Variants in SOX7 observed in about 807,000 individuals in gnomAD.
SOX7 encodes the protein transcription factor SOX-7.
Under a neutral mutation model 24.9 loss-of-function variants are expected in SOX7, and 19 were observed. The observed-to-expected ratio is 0.76, with a 90% CI of 0.53 to 1.12. SOX7 has a LOEUF of 1.12. SOX7 is among the 50% of genes most tolerant of loss of function. The pLI is 0.00. For synonymous variants in SOX7, 327 were observed against 244.5 expected, an observed-to-expected ratio of 1.34 and a Z score of -3.15; for missense variants, 702 against 535.0, an observed-to-expected ratio of 1.31 and a Z score of -3.08.
rs886868334 is a variant in SOX7, at chr8:10,725,691, CAAG to C, written c.*44_*46del. The C allele has an allele frequency of 5.2e-5, 83 of 1,601,780 alleles. No homozygotes were observed. Among genetic ancestry groups the C allele is most frequent in the Non-Finnish European group, 7.0e-5 (82 of 1,170,862 alleles). The stretch of plus-strand genomic sequence containing the variant: ...GACGGCTCCTCTGCCACTCAAGGCA[CAAG>C]AAGGAGAGGGCGCGAGGGCTGACCG... On this transcript the variant is annotated 3_prime_UTR_variant, in exon 2 of 2. Transcript: ENST00000304501.
At position 10,725,715 on chromosome 8, in the gene SOX7, G is replaced by T; in HGVS notation, c.*23C>A. ...ACAAGAAGGAGAGGGCGCGAGGGCTGACCGGACGGGGCGCCTCCAGCTCTA... is the reference window on the plus strand; with the variant it reads ...ACAAGAAGGAGAGGGCGCGAGGGCTTACCGGACGGGGCGCCTCCAGCTCTA... On this transcript the variant is annotated 3_prime_UTR_variant, in exon 2 of 2. Transcript: ENST00000304501. 2 of 1,613,576 alleles carry T rather than the reference G, an allele frequency of 1.2e-6. No homozygotes were observed. Among genetic ancestry groups the T allele is most frequent in the South Asian group, 2.2e-5 (2 of 91,018 alleles).
Position 10,726,050 on chromosome 8 carries a change from G to C in SOX7, c.855C>G (p.Ser285=). The C allele has an allele frequency of 6.4e-7, 1 of 1,568,502 alleles. No individual in the cohort carries two copies. Among genetic ancestry groups the C allele is most frequent in the Non-Finnish European group, 8.6e-7 (1 of 1,156,420 alleles). ...AGTGGAGTGGGTGGTAGGTGGCCGG[G>C]GAGTAATAGGCAGGAGATGGGGGAC... ...PGCPPSPAYY[S]PATYHPLHSN... Residue 285 remains serine, a synonymous_variant, in exon 2 of 2, where the codon TCC becomes TCG. Coordinates refer to ENST00000304501, the MANE Select transcript of SOX7 (RefSeq NM_031439.4).
intron 1 of SOX7, among the ~76,000 whole-genome samples, chr8:10,727,994 T>C (rs1432752268): frequency 6.6e-6 from 1 of 152,208 alleles, no homozygotes; most frequent in Admixed American, 6.5e-5. Flanking sequence ...AGAAAATTTA[T>C]AGAAATTCCA....
intron 1 of SOX7, among the ~76,000 whole-genome samples, chr8:10,728,613 T>C (rs4841434): frequency 0.67 from 101,295 of 152,170 alleles, 34,699 homozygotes; most frequent in African/African-American, 0.83. Context: ...CAGGCCCCGA[T>C]GGGGACCAAC....
At position 10,726,409 on chromosome 8, in the gene SOX7, A is replaced by T. The variant is rs1460537602; in HGVS notation, c.496T>A (p.Ser166Thr). 6.2e-7 allele frequency: 1 copy of T among 1,611,812 alleles called. No individual in the cohort carries two copies. The highest frequency in any genetic ancestry group is 1.3e-5 in the African/African-American group (1 of 74,908). Residue 166 changes from serine (S) to threonine (T), a missense_variant, in exon 2 of 2, where the codon TCC becomes ACC. Physicochemically the swap from Ser to Thr is moderately conservative, Grantham distance 58. Transcript: ENST00000304501. ...AGGCTGGGCAGGGCAGTGCCGGGGG[A>T]GTACTCACCCCTGTCCTCCTTCTCC... ...LGEKEDRGEY[S>T]PGTALPSLRG... is the part of the protein sequence containing the mutation.
At position 10,725,587 on chromosome 8, in the gene SOX7, T is replaced by C. The variant is rs563073092; in HGVS notation, c.*151A>G. The C allele has an allele frequency of 5.4e-6, 4 of 747,178 alleles. No individual in the cohort carries two copies. In the South Asian group the frequency reaches 7.1e-5, roughly 13 times the overall value. The allele number at this position is 747,178 out of a possible 1,614,324, so 46.3% of individuals were successfully genotyped here. On this transcript the variant is annotated 3_prime_UTR_variant, in exon 2 of 2. Coordinates refer to ENST00000304501, the MANE Select transcript of SOX7 (RefSeq NM_031439.4). ...AGAGGCGGCACTCGGATAAGGAGAGTCCAGCTTAGGCCAAAGGCTCTGGGG... is the reference window on the plus strand; with the variant it reads ...AGAGGCGGCACTCGGATAAGGAGAGCCCAGCTTAGGCCAAAGGCTCTGGGG...
chr8:10,728,994 G>C (rs1013749074), intron 1 of SOX7, among the ~76,000 whole-genome samples: 1 of 152,182 alleles, frequency 6.6e-6, no homozygotes, highest in African/African-American at 2.4e-5. Context: ...TTTGTTGAGG[G>C]AAAAGGCCCC....
rs1586080666 is a variant in SOX7, at chr8:10,726,020, G to A, written c.885C>T (p.Asn295=). Residue 295 remains asparagine, a synonymous_variant, in exon 2 of 2, where the codon AAC becomes AAT. Coordinates refer to ENST00000304501, the MANE Select transcript of SOX7 (RefSeq NM_031439.4). Reference sequence around the variant, plus strand: ...AAAGCTGGCCCAGGTGGGCTTGGAGGTTGGAGTGGAGTGGGTGGTAGGTGG... The same window carrying A: ...AAAGCTGGCCCAGGTGGGCTTGGAGATTGGAGTGGAGTGGGTGGTAGGTGG... The part of the protein sequence containing the change: ...SPATYHPLHS[N]LQAHLGQLSP... 6.3e-7 allele frequency: 1 copy of A among 1,584,648 alleles called. No homozygotes were observed. Among genetic ancestry groups the A allele is most frequent in the South Asian group, 1.2e-5 (1 of 84,678 alleles).
intron 1 of SOX7, among the ~76,000 whole-genome samples, chr8:10,728,414 T>C (rs1800196433): frequency 6.6e-6 from 1 of 152,180 alleles, no homozygotes; most frequent in Non-Finnish European, 1.5e-5. Flanking sequence ...AGGAAAGAGC[T>C]GAGAAGGAAA....
At position 10,730,185 on chromosome 8, in the gene SOX7, C is replaced by T. The variant is rs762949676; in HGVS notation, c.238+11G>A. On this transcript the variant is annotated intron_variant, in intron 1 of 1. Coordinates refer to ENST00000304501, the MANE Select transcript of SOX7 (RefSeq NM_031439.4). The surrounding 1 kb of genome is among the most constrained non-coding windows in gnomAD (Gnocchi z 4.8). Reference sequence around the variant, plus strand: ...CCGGCCCCCAGCCCGCTCGGCCGCGCGCTCACTCACCCAGCATCTTGCTGA... The same window carrying T: ...CCGGCCCCCAGCCCGCTCGGCCGCGTGCTCACTCACCCAGCATCTTGCTGA... The T allele has an allele frequency of 3.3e-6, 5 of 1,507,544 alleles. No individual in the cohort carries two copies. The highest frequency in any genetic ancestry group is 4.4e-6 in the Non-Finnish European group (5 of 1,134,326). 93.4% of individuals were successfully genotyped at this position (1,507,544 alleles called of 1,614,324 possible). A position where few individuals can be genotyped will look rare whatever the true frequency, so the allele number is the denominator to read the frequency against.
rs747829460 is a variant in SOX7 at position 10,725,863 on chromosome 8, C to G, written c.1042G>C (p.Ala348Pro). The G allele has an allele frequency of 1.2e-6, 2 of 1,614,200 alleles. No homozygotes were observed. Among genetic ancestry groups the G allele is most frequent in the African/African-American group, 1.3e-5 (1 of 75,062 alleles). ...TPGHPDSATG[A>P]MALSGHVPVS... ...GGAACATGCCCACTGAGGGCCATGG[C>G]CCCTGTGGCGGAGTCTGGGTGGCCA... is the stretch of plus-strand genomic sequence containing the variant. The change falls in exon 2 of 2, where the codon GCC (alanine) becomes CCC (proline). Residue 348 changes from alanine (A) to proline (P), a missense_variant. Physicochemically the swap from Ala to Pro is conservative, Grantham distance 27. Transcript: ENST00000304501.
chr8:10,728,039 A>C (rs148603457), intron 1 of SOX7, among the ~76,000 whole-genome samples: 1 of 152,358 alleles, frequency 6.6e-6, no homozygotes, highest in African/African-American at 2.4e-5. Context: ...GCTGTCACTC[A>C]AAAGGGCAAC....
intron 1 of SOX7, chr8:10,729,194 C>T (rs929417917): frequency 3.3e-5 from 5 of 152,206 alleles, no homozygotes; most frequent in Non-Finnish European, 7.3e-5. Flanking sequence ...AAAGTTCCGC[C>T]TCGGGAAAGA....
At chr8:10,728,405 G>A (rs1296014056) in intron 1 of SOX7, among the ~76,000 whole-genome samples, 4 of 152,152 alleles carry the variant, frequency 2.6e-5, no homozygotes, top group Admixed American at 6.5e-5. Flanking sequence ...AGGTCAGAAA[G>A]GAAAGAGCTG....
chr8:10,730,367 G>T lies in SOX7; in HGVS notation c.67C>A (p.Leu23Met). The change falls in exon 1 of 2, where the codon CTG becomes ATG. Residue 23 changes from leucine (L) to methionine (M), a missense_variant. Transcript: ENST00000304501. The surrounding 1 kb of genome is among the most constrained non-coding windows in gnomAD (Gnocchi z 4.8). ...GCCGGCGGCGATTGTCCATCCGACA[G>T]CTCGGCGTCCAGGGCCGGGCACTCG... is the stretch of plus-strand genomic sequence containing the variant. ...GLECPALDAE[L>M]SDGQSPPAVP... The T allele has an allele frequency of 6.4e-7, 1 of 1,560,638 alleles. No homozygotes were observed. The highest frequency in any genetic ancestry group is 8.6e-7 in the Non-Finnish European group (1 of 1,157,666).
chr8:10,726,584 C>T lies in SOX7; in HGVS notation c.321G>A (p.Gln107=), dbSNP rs771110536. 7.5e-6 allele frequency: 12 copies of T among 1,610,302 alleles called. No homozygotes were observed. The highest frequency in any genetic ancestry group is 1.3e-5 in the African/African-American group (1 of 74,924). Residue 107 remains glutamine (Q), a synonymous_variant, in exon 2 of 2, where the codon CAG becomes CAA. Coordinates refer to ENST00000304501, the MANE Select transcript of SOX7 (RefSeq NM_031439.4). ...GCCGGTACTTGTAGTTGGGGTAGTC[C>T]TGCATGTGCTGCAGGCGCAGCCGCT... is the stretch of plus-strand genomic sequence containing the variant. ...EAERLRLQHM[Q]DYPNYKYRPR... is the part of the protein sequence containing the mutation.
In SOX7 at chr8:10,726,372, T is replaced by C; in HGVS notation, c.533A>G (p.Tyr178Cys). Residue 178 changes from tyrosine (Y) to cysteine (C), a missense_variant, in exon 2 of 2, where the codon TAC (tyrosine) becomes TGC (cysteine). Transcript: ENST00000304501. ...GTALPSLRGC[Y>C]HEGPAGGGGG... ...GCCACCACCAGCCGGCCCCTCGTGG[T>C]AGCAGCCCCGGAGGCTGGGCAGGGC... is the stretch of plus-strand genomic sequence containing the variant. The C allele has an allele frequency of 6.2e-7, 1 of 1,612,676 alleles. No individual in the cohort carries two copies. Among genetic ancestry groups the C allele is most frequent in the Non-Finnish European group, 8.5e-7 (1 of 1,179,472 alleles).
chr8:10,725,078 A>G lies in SOX7; in HGVS notation c.*660T>C, dbSNP rs1800114334. On this transcript the variant is annotated 3_prime_UTR_variant, in exon 2 of 2. Transcript: ENST00000304501. The stretch of plus-strand genomic sequence containing the variant: ...ATAATAAACAAATTAACAAAAAAAA[A>G]GAACTGCTTTAAAATGTATATTTAA... 6.5e-6 allele frequency: 1 copy of G among 152,872 alleles called. No homozygotes were observed. The highest frequency in any genetic ancestry group is 2.1e-4 in the South Asian group (1 of 4,856). 9.5% of individuals were successfully genotyped at this position (152,872 alleles called of 1,614,324 possible). A position where few individuals can be genotyped will look rare whatever the true frequency, so the allele number is the denominator to read the frequency against.
Position 10,724,104 on chromosome 8 carries a change from A to G in SOX7, c.*1634T>C, listed in dbSNP as rs1563177650. ...AAAATAATAGGAGATTATATAAAAC[A>G]TATTTCATACAGGAAATAATATGCT... is the stretch of plus-strand genomic sequence containing the variant. On this transcript the variant is annotated 3_prime_UTR_variant, in exon 2 of 2. Coordinates refer to ENST00000304501, the MANE Select transcript of SOX7 (RefSeq NM_031439.4). 1.3e-5 allele frequency: 2 copies of G among 152,252 alleles called. No homozygotes were observed. Among genetic ancestry groups the G allele is most frequent in the African/African-American group, 4.8e-5 (2 of 41,464 alleles). The allele number at this position is 152,252 out of a possible 1,614,324, so 9.4% of individuals were successfully genotyped here.
Sources: allele counts gnomAD v4.1 joint callset (sites outside exome capture counted in the v4.1 genomes callset), GRCh38; gene constraint gnomAD v4.1.1; non-coding constraint Gnocchi (gnomAD v3.1); transcripts MANE v1.5; gene names NCBI Gene and HGNC (gene_info 2026-07-23, HGNC 2026-07-21).